The following DCX variants were observed in gnomAD, a reference collection of about 807,000 sequenced individuals.
The protein encoded by DCX is doublecortin, also known as neuronal migration protein doublecortin.
In DCX, 4 loss-of-function variants were observed where a neutral mutation model predicts 20.9. The ratio of observed to expected loss-of-function variants is 0.19; its 90% confidence interval spans 0.09 to 0.44. DCX has a LOEUF of 0.44. DCX is among the 20% of genes least tolerant of loss of function. DCX has a pLI of 0.99. For synonymous variants in DCX, 103 were observed against 111.4 expected (o/e 0.92, Z 0.47); for missense variants, 133 against 296.9 (o/e 0.45, Z 4.06).
intron 3 of DCX, among the ~76,000 whole-genome samples, chrX:111,367,141 A>G (rs748450794): frequency 1.5e-4 from 17 of 111,999 alleles, no homozygotes; most frequent in African/African-American, 4.2e-4. Flanking sequence ...GCTAAGTTGG[A>G]GGTAACCCCT....
intron 6 of DCX, among the ~76,000 whole-genome samples, chrX:111,308,141 A>G (rs983549915): frequency 4.4e-5 from 5 of 112,674 alleles, no homozygotes; most frequent in Non-Finnish European, 7.5e-5. Flanking sequence ...GTAGAAATAC[A>G]GAAACACACA....
intron 6 of DCX, among the ~76,000 whole-genome samples, chrX:111,310,173 A>G (rs1186646833): frequency 9.0e-6 from 1 of 111,247 alleles, no homozygotes; most frequent in Admixed American, 9.5e-5. Context: ...TCTACTAAAA[A>G]TACAAAAAAT....
At chrX:111,324,518 T>C (rs759852910) in intron 5 of DCX, among the ~76,000 whole-genome samples, 2 of 112,015 alleles carry the variant, frequency 1.8e-5, no homozygotes, top group Admixed American at 9.5e-5. Context: ...ATTCCAGTTC[T>C]ATCATCTTAC....
At chrX:111,311,517 C>A (rs1403214470) in intron 6 of DCX, among the ~76,000 whole-genome samples, 1 of 111,733 alleles carries the variant, frequency 8.9e-6, no homozygotes, top group Non-Finnish European at 1.9e-5. Flanking sequence ...CCACCATGGC[C>A]AAATTCAAGT....
intron 6 of DCX, among the ~76,000 whole-genome samples, chrX:111,312,136 C>T (rs1371408692): frequency 8.9e-6 from 1 of 112,826 alleles, no homozygotes; most frequent in African/African-American, 3.2e-5. Flanking sequence ...TCTTCCTATT[C>T]AGCATCAGAA....
At chrX:111,338,651 G>C (rs757179726) in intron 3 of DCX, among the ~76,000 whole-genome samples, 19 of 103,072 alleles carry the variant, frequency 1.8e-4, no homozygotes, top group Admixed American at 1.3e-3. Flanking sequence ...GGCTTTTTAT[G>C]ACAACATTTT....
At chrX:111,308,087 A>C (rs1438237276) in intron 6 of DCX, among the ~76,000 whole-genome samples, 1 of 112,439 alleles carries the variant, frequency 8.9e-6, no homozygotes, top group African/African-American at 3.2e-5. Flanking sequence ...AACAATGTTC[A>C]GGAAAAGGAA....
In DCX at chrX:111,410,955, T is replaced by C. The variant is rs150627878; in HGVS notation, c.-22-535A>G. ...TCTTTGCATTTCAGTACAATGACTATGAAGGGGGAGTGTTTTCATTTTATT... is the reference window on the plus strand; with the variant it reads ...TCTTTGCATTTCAGTACAATGACTACGAAGGGGGAGTGTTTTCATTTTATT... On this transcript the variant is annotated intron_variant, in intron 1 of 6. Coordinates refer to ENST00000636035, the MANE Select transcript of DCX (RefSeq NM_001195553.2). The C allele has an allele frequency of 2.0e-5, 24 of 1,207,371 alleles. No individual in the cohort carries two copies. In the African/African-American group the frequency reaches 3.7e-4, roughly 19 times the overall value.
At chrX:111,367,948 G>T (rs1225946032) in intron 3 of DCX, among the ~76,000 whole-genome samples, 1 of 111,326 alleles carries the variant, frequency 9.0e-6, no homozygotes, top group Non-Finnish European at 1.9e-5. Context: ...AATTCAAAAT[G>T]AGATATAAAC....
Position 111,396,859 on chromosome X carries a change from C to CTTATA in DCX, c.705+4126_705+4130dup, listed in dbSNP as rs768611689. 3.6e-5 allele frequency among the ~76,000 whole-genome samples: 4 copies of CTTATA among 111,281 alleles called. No individual in the cohort carries two copies. The Admixed American group carries it at 3.8e-4, about 11-fold the overall frequency. On this transcript the variant is annotated intron_variant, in intron 3 of 6. Coordinates refer to ENST00000636035, the MANE Select transcript of DCX (RefSeq NM_001195553.2). ...GTAGCCAGAGCCCTACCAACTACTTCTTATATCATTAATAACTTCTTATTG... is the reference window on the plus strand; with the variant it reads ...GTAGCCAGAGCCCTACCAACTACTTCTTATATTATATCATTAATAACTTCTTATTG...
chrX:111,376,828 AC>A (rs1925572637), intron 3 of DCX, among the ~76,000 whole-genome samples: 1 of 111,937 alleles, frequency 8.9e-6, no homozygotes. Flanking sequence ...TCTTTTGGTA[AC>A]AATCCCATAC....
intron 3 of DCX, among the ~76,000 whole-genome samples, chrX:111,342,433 A>G (rs1419119431): frequency 3.2e-5 from 3 of 94,379 alleles, no homozygotes; most frequent in African/African-American, 1.1e-4. Context: ...TTAGAGGCCT[A>G]CAAAGAGACT....
At chrX:111,402,787 GTGTGTGT>G (rs1927904223) in intron 2 of DCX, among the ~76,000 whole-genome samples, 1 of 8,720 alleles carries the variant, frequency 1.1e-4, no homozygotes, top group African/African-American at 1.3e-4. Flanking sequence ...TGCGTGGTGT[GTGTGTGT>G]GTGTGTGTGT....
chrX:111,411,160 G>A, intron 1 of DCX: 1 of 434,443 alleles, frequency 2.3e-6, no homozygotes, highest in Non-Finnish European at 4.0e-6. Flanking sequence ...GGGGGAAAAA[G>A]GATTAGAAAA....
chrX:111,404,834 C>G lies in DCX; in HGVS notation c.365-3504G>C, dbSNP rs182469224. On this transcript the variant is annotated intron_variant, in intron 2 of 6. Transcript: ENST00000636035. ...GACTTCCTTGTCCTGATTTTGCCAG[C>G]ATTTTCAATGTCTGCTGCCAGAGCT... Among the ~76,000 whole-genome samples the G allele has an allele frequency of 3.5e-5, 4 of 112,849 alleles. No homozygotes were observed. The East Asian group carries it at 1.1e-3, about 32-fold the overall frequency.
chrX:111,373,481 G>A (rs941563202), intron 3 of DCX, among the ~76,000 whole-genome samples: 3 of 111,678 alleles, frequency 2.7e-5, no homozygotes, highest in Non-Finnish European at 3.8e-5. Context: ...GTCGTCATTC[G>A]GGAATATTAG....
In DCX at chrX:111,401,035, C is replaced by G; in HGVS notation, c.660G>C (p.Leu220=). Residue 220 remains leucine, a synonymous_variant, in exon 3 of 7, where the codon CTG becomes CTC. Transcript: ENST00000636035. ...VLTDITEAIK[L]ETGVVKKLYT... Reference sequence around the variant, plus strand: ...AGAGTTTTTTGACAACCCCGGTCTCCAGTTTGATGGCTTCTGTGATATCAG... The same window carrying G: ...AGAGTTTTTTGACAACCCCGGTCTCGAGTTTGATGGCTTCTGTGATATCAG... 1 of 1,211,385 alleles carries G rather than the reference C, an allele frequency of 8.3e-7. No homozygotes were observed.
At chrX:111,324,896 T>G (rs767574738) in intron 5 of DCX, among the ~76,000 whole-genome samples, 2 of 111,553 alleles carry the variant, frequency 1.8e-5, no homozygotes, top group Non-Finnish European at 3.8e-5. Flanking sequence ...ATAAGACTCA[T>G]GTAGGGAAAT....
At chrX:111,331,522 T>A (rs1921243402) in intron 4 of DCX, among the ~76,000 whole-genome samples, 1 of 111,966 alleles carries the variant, frequency 8.9e-6, no homozygotes, top group African/African-American at 3.2e-5. Context: ...ATGGATATCA[T>A]GTCACTTTAT....
Sources: allele counts gnomAD v4.1 joint callset (sites outside exome capture counted in the v4.1 genomes callset), GRCh38; gene constraint gnomAD v4.1.1; transcripts MANE v1.5; gene names NCBI Gene and HGNC (gene_info 2026-07-23, HGNC 2026-07-21).